The following CACNA2D4 variants were observed in gnomAD, a reference collection of about 807,000 sequenced individuals.
The protein encoded by CACNA2D4 is calcium voltage-gated channel auxiliary subunit alpha2delta 4.
In CACNA2D4, 157 loss-of-function variants were observed where a neutral mutation model predicts 163.8. The observed-to-expected ratio is 0.96, with a 90% CI of 0.84 to 1.09. The LOEUF is 1.09. Ranked by LOEUF, CACNA2D4 falls within the 50% of genes least tolerant of loss-of-function variation. CACNA2D4 has a pLI of 0.00. For missense variants in CACNA2D4, 1,410 were observed against 1,479.9 expected (o/e 0.95, Z 0.78); for synonymous variants, 598 against 586.9 (o/e 1.02, Z -0.27).
In CACNA2D4 at chr12:1,885,970, G is replaced by A. The variant is rs369451253; in HGVS notation, c.1063C>T (p.Arg355Ter). The change falls in exon 9 of 38, where the codon CGA (arginine) becomes TGA (stop). Residue 355 changes from arginine (R) to a stop codon, truncating the protein, a stop_gained. Transcript: ENST00000382722. LOFTEE classifies it high-confidence loss of function. ...GILVQADRDN[R>*]EHFKLLVEEL... ...AGGCCACCGTGGACACTCACCTCTC[G>A]ATTGTCTCGGTCCGCCTGGACGAGG... 55 of 1,611,688 alleles carry A rather than the reference G, an allele frequency of 3.4e-5. No individual in the cohort carries two copies. Among genetic ancestry groups the A allele is most frequent in the African/African-American group, 6.7e-5 (5 of 74,858 alleles).
At chr12:1,881,442 T>G (rs1001261943) in intron 13 of CACNA2D4, among the ~76,000 whole-genome samples, 3 of 152,218 alleles carry the variant, frequency 2.0e-5, no homozygotes, top group African/African-American at 7.2e-5. Context: ...ATTTCATGGT[T>G]CTGAAAGCCT....
chr12:1,796,881 G>A (rs1396792082), intron 35 of CACNA2D4, among the ~76,000 whole-genome samples: 5 of 152,206 alleles, frequency 3.3e-5, no homozygotes, highest in Non-Finnish European at 7.3e-5. Context: ...GGGCCAGGGC[G>A]GGTTATAACT....
At chr12:1,818,673 C>G (rs934800887) in intron 26 of CACNA2D4, among the ~76,000 whole-genome samples, 5 of 150,650 alleles carry the variant, frequency 3.3e-5, no homozygotes, top group African/African-American at 9.9e-5. Flanking sequence ...AACCAGAGAC[C>G]TTTGTTCACT....
chr12:1,872,094 C>G (rs1450240562), intron 18 of CACNA2D4, among the ~76,000 whole-genome samples: 1 of 152,184 alleles, frequency 6.6e-6, no homozygotes, highest in Non-Finnish European at 1.5e-5. Context: ...GGCCCGCCAG[C>G]CAAAACTGGG....
At chr12:1,825,387 G>A (rs1864272532) in intron 26 of CACNA2D4, among the ~76,000 whole-genome samples, 1 of 152,246 alleles carries the variant, frequency 6.6e-6, no homozygotes, top group African/African-American at 2.4e-5. Flanking sequence ...ACACCTGGAT[G>A]GGGAATCCGG....
intron 29 of CACNA2D4, among the ~76,000 whole-genome samples, chr12:1,803,690 G>A (rs569508955): frequency 6.6e-6 from 1 of 152,350 alleles, no homozygotes; most frequent in East Asian, 1.9e-4. Flanking sequence ...CACTCTGCTA[G>A]TTCTTTACCT....
At chr12:1,868,619 A>C (rs376311829) in intron 18 of CACNA2D4, among the ~76,000 whole-genome samples, 2 of 152,016 alleles carry the variant, frequency 1.3e-5, no homozygotes, top group East Asian at 3.8e-4. Context: ...CACAGAGTTT[A>C]GGTGTCCTTA....
intron 6 of CACNA2D4, among the ~76,000 whole-genome samples, chr12:1,889,821 T>G (rs930869836): frequency 6.6e-6 from 1 of 151,940 alleles, no homozygotes; most frequent in Non-Finnish European, 1.5e-5. Context: ...CCAGGACAAG[T>G]AAAAATTTAA....
Position 1,843,603 on chromosome 12 carries a change from C to T in CACNA2D4, c.2470+799G>A, listed in dbSNP as rs1009029242. On this transcript the variant is annotated intron_variant, in intron 25 of 37. Coordinates refer to ENST00000382722, the MANE Select transcript of CACNA2D4 (RefSeq NM_172364.5). This position sits in a 1 kb window ranked among gnomAD's most constrained non-coding sequence, Gnocchi z 4.6. ...TGCACTCTGGGATCCCTGGACAAGC[C>T]CCGGAAGCTCCCTGGGCCACAGTCA... is the stretch of plus-strand genomic sequence containing the variant. Among the ~76,000 whole-genome samples the T allele has an allele frequency of 6.6e-6, 1 of 152,192 alleles. No homozygotes were observed. Among genetic ancestry groups the T allele is most frequent in the African/African-American group, 2.4e-5 (1 of 41,434 alleles).
At chr12:1,836,988 C>A (rs1250794937) in intron 26 of CACNA2D4, among the ~76,000 whole-genome samples, 1 of 152,236 alleles carries the variant, frequency 6.6e-6, no homozygotes. Context: ...GAGCTCATGG[C>A]CTGGCAGATC....
At position 1,801,205 on chromosome 12, in the gene CACNA2D4, G is replaced by A. The variant is rs77972451; in HGVS notation, c.2793-87C>T. 1,118 of 1,096,692 alleles carry A rather than the reference G, an allele frequency of 1.0e-3. 17 individuals are homozygous for A. The East Asian group carries it at 0.022, about 22-fold the overall frequency. 67.9% of individuals were successfully genotyped at this position (1,096,692 alleles called of 1,614,324 possible). A position where few individuals can be genotyped will look rare whatever the true frequency, so the allele number is the denominator to read the frequency against. On this transcript the variant is annotated intron_variant, in intron 30 of 37. Coordinates refer to ENST00000382722, the MANE Select transcript of CACNA2D4 (RefSeq NM_172364.5). ...AGGAGGCTTTACTAGCAGAGCATCC[G>A]TTTACCGCAATTCCCAAGGGCGCCT...
At chr12:1,854,612 G>A (rs1421892045) in intron 22 of CACNA2D4, among the ~76,000 whole-genome samples, 1 of 152,100 alleles carries the variant, frequency 6.6e-6, no homozygotes, top group Non-Finnish European at 1.5e-5. Context: ...CACTATGTTG[G>A]CCAGGCTGAT....
intron 31 of CACNA2D4, chr12:1,800,664 C>A: frequency 3.3e-6 from 2 of 601,294 alleles, no homozygotes; most frequent in Non-Finnish European, 5.9e-6. Context: ...GGTCAGACAT[C>A]TCGGGTGGGG....
intron 1 of CACNA2D4, 169 bp downstream of exon 1, chr12:1,918,078 G>A (rs1345236561): frequency 2.8e-5 from 17 of 606,350 alleles, no homozygotes; most frequent in South Asian, 4.1e-5. Context: ...AGAGGAGGCC[G>A]GAGAAGCAAA....
intron 25 of CACNA2D4, among the ~76,000 whole-genome samples, chr12:1,841,566 A>AG (rs1865025897): frequency 6.6e-6 from 1 of 152,244 alleles, no homozygotes; most frequent in African/African-American, 2.4e-5. Context: ...TCGGGGCCTC[A>AG]GGCTTCTTAA....
chr12:1,810,644 G>A (rs572649816), intron 27 of CACNA2D4, 57 bp from the exon 28 acceptor site: 15 of 1,499,830 alleles, frequency 1.0e-5, no homozygotes, highest in Middle Eastern at 1.7e-4. Context: ...GAAATGGCAC[G>A]TGTAAGTGGG....
intron 29 of CACNA2D4, among the ~76,000 whole-genome samples, chr12:1,808,231 C>T (rs868159382): frequency 3.9e-5 from 6 of 152,160 alleles, no homozygotes; most frequent in Admixed American, 2.0e-4. Context: ...AGGGCCGCCT[C>T]CCCGCACGGT....
chr12:1,917,749 T>C lies in CACNA2D4; in HGVS notation c.227+498A>G, dbSNP rs886941. On this transcript the variant is annotated intron_variant, in intron 1 of 37. Transcript: ENST00000382722. The surrounding 1 kb of genome is among the most constrained non-coding windows in gnomAD (Gnocchi z 4.3). ...CTGCGGCCACCAAAATCCATTTTTT[T>C]CCCCAGTTCCTGGACAAGCCACCTC... is the stretch of plus-strand genomic sequence containing the variant. 0.93 allele frequency among the ~76,000 whole-genome samples: 141,888 copies of C among 152,172 alleles called. 66,274 individuals are homozygous for C. The highest frequency in any genetic ancestry group is 1 in the East Asian group (5,172 of 5,176).
At chr12:1,811,617 G>A in intron 27 of CACNA2D4, 45 bp downstream of exon 27, 1 of 1,538,316 alleles carries the variant, frequency 6.5e-7, no homozygotes, top group Non-Finnish European at 8.8e-7. Context: ...ACCCAGGGGA[G>A]CGTGGTGAGT....
Sources: gnomAD v4.1 joint callset for allele counts (sites outside exome capture counted in the v4.1 genomes callset) on GRCh38, gnomAD v4.1.1 for gene constraint, Gnocchi (gnomAD v3.1) non-coding constraint, MANE v1.5 for transcripts, NCBI Gene and HGNC (gene_info 2026-07-23, HGNC 2026-07-21) for gene names.